ZFP64: variants seen among roughly 807,000 people sequenced by gnomAD.
ZFP64 encodes the protein ZFP64 zinc finger protein, also known as zinc finger protein 64.
In ZFP64, 14 loss-of-function variants were observed where a neutral mutation model predicts 51.6. That is an observed-to-expected ratio of 0.27 (90% CI 0.18 to 0.42). ZFP64 has a LOEUF of 0.42. Among genes scored for constraint, ZFP64 ranks in the 10% least tolerant of loss-of-function variants. ZFP64 has a pLI of 1.00. For missense variants in ZFP64, 754 were observed against 906.8 expected (o/e 0.83, Z 2.16); for synonymous variants, 375 against 361.4 (o/e 1.04, Z -0.43).
In ZFP64 at chr20:52,178,109, T is replaced by C. The variant is rs1600810802; in HGVS notation, c.286+8723A>G. Among the ~76,000 whole-genome samples, 4 of 151,990 alleles carry C rather than the reference T, an allele frequency of 2.6e-5. No homozygotes were observed. The South Asian group carries it at 8.3e-4, about 32-fold the overall frequency. On this transcript the variant is annotated intron_variant, in intron 2 of 5. Coordinates refer to ENST00000216923, the MANE Select transcript of ZFP64 (RefSeq NM_018197.3). ...CATCTGACCTGACCCAACCACTCCC[T>C]GGCTGGTTCAGATTCCCCGGACCTT...
chr20:52,086,165 T>G (rs2078861839), intron 8 of ZFP64, among the ~76,000 whole-genome samples: 1 of 152,236 alleles, frequency 6.6e-6, no homozygotes, highest in African/African-American at 2.4e-5. Flanking sequence ...TGGTGAATTC[T>G]TATACTTTAA....
intron 5 of ZFP64, among the ~76,000 whole-genome samples, chr20:52,154,203 A>G (rs1269898028): frequency 6.6e-6 from 1 of 152,190 alleles, no homozygotes; most frequent in Non-Finnish European, 1.5e-5. Context: ...AACATTGTTT[A>G]AGTAAGCAAA....
At chr20:52,113,184 A>G (rs1459051641) in intron 5 of ZFP64, among the ~76,000 whole-genome samples, 1 of 151,738 alleles carries the variant, frequency 6.6e-6, no homozygotes, top group Non-Finnish European at 1.5e-5. Flanking sequence ...AATACAAAAA[A>G]TTAGCCAGGC....
Position 52,160,461 on chromosome 20 carries a change from C to A in ZFP64, c.512-87G>T, listed in dbSNP as rs529653451. 6.4e-5 allele frequency: 95 copies of A among 1,493,990 alleles called. No individual in the cohort carries two copies. The African/African-American group carries it at 1.2e-3, about 19-fold the overall frequency. The allele number at this position is 1,493,990 out of a possible 1,614,324, so 92.5% of individuals were successfully genotyped here. On this transcript the variant is annotated intron_variant, in intron 4 of 5. Transcript: ENST00000216923. This position sits in a 1 kb window ranked among gnomAD's most constrained non-coding sequence, Gnocchi z 4.2. The stretch of plus-strand genomic sequence containing the variant: ...TTTCCCACTGCCTTACGAAAAAAGT[C>A]ATATACAACCACCGAAGAATATTCC...
At chr20:52,184,948 G>A (rs546906042) in intron 2 of ZFP64, among the ~76,000 whole-genome samples, 3 of 152,206 alleles carry the variant, frequency 2.0e-5, no homozygotes, top group Non-Finnish European at 2.9e-5. Flanking sequence ...CTCTCTTGAC[G>A]TATACATACA....
At chr20:52,117,702 G>C (rs1195152940) in intron 5 of ZFP64, 1 of 456,464 alleles carries the variant, frequency 2.2e-6, no homozygotes, top group Non-Finnish European at 4.4e-6. Flanking sequence ...TGCAGCATGG[G>C]TGTGGACCAG....
intron 5 of ZFP64, among the ~76,000 whole-genome samples, chr20:52,158,855 A>G (rs1342773925): frequency 6.6e-6 from 1 of 152,186 alleles, no homozygotes; most frequent in Non-Finnish European, 1.5e-5. Context: ...GCTTTAGCCA[A>G]TGTGATGCTT....
intron 7 of ZFP64, among the ~76,000 whole-genome samples, chr20:52,092,692 G>A (rs2078941291): frequency 6.6e-6 from 1 of 152,028 alleles, no homozygotes; most frequent in Non-Finnish European, 1.5e-5. Context: ...CATCTCCACT[G>A]TAAAAATACA....
intron 5 of ZFP64, chr20:52,104,972 C>A: frequency 1.2e-6 from 1 of 822,022 alleles, no homozygotes. Context: ...TTTACAAAGG[C>A]GGGGGGCGGG....
At chr20:52,093,424 G>A (rs1470208806) in intron 7 of ZFP64, among the ~76,000 whole-genome samples, 1 of 152,238 alleles carries the variant, frequency 6.6e-6, no homozygotes, top group Non-Finnish European at 1.5e-5. Flanking sequence ...ACAGGCGTGA[G>A]CCACTGCGCC....
At chr20:52,133,184 G>T (rs6021723) in intron 5 of ZFP64, among the ~76,000 whole-genome samples, 30,652 of 151,996 alleles carry the variant, frequency 0.2, 3,385 homozygotes, top group Admixed American at 0.27. Flanking sequence ...CTCAAAAAAC[G>T]GGGTGTCAAA....
intron 5 of ZFP64, among the ~76,000 whole-genome samples, chr20:52,155,300 T>C (rs576404778): frequency 6.6e-6 from 1 of 152,354 alleles, no homozygotes; most frequent in Non-Finnish European, 1.5e-5. Flanking sequence ...ATTGGTTGCC[T>C]GTTTTCATAA....
In ZFP64 at chr20:52,085,815, A is replaced by C. The variant is rs1312260715; in HGVS notation, c.1229-549T>G. Among the ~76,000 whole-genome samples the C allele has an allele frequency of 6.6e-6, 1 of 152,238 alleles. No individual in the cohort carries two copies. The highest frequency in any genetic ancestry group is 2.4e-5 in the African/African-American group (1 of 41,454). ...TATAATATTAATGCATAATTATGGC[A>C]GCAGGGGACAAATAATAAAGAGCCA... On this transcript the variant is annotated intron_variant, in intron 8 of 8. Coordinates refer to the ZFP64 transcript ENST00000361387. This position sits in a 1 kb window ranked among gnomAD's most constrained non-coding sequence, Gnocchi z 4.3.
intron 5 of ZFP64, among the ~76,000 whole-genome samples, chr20:52,109,599 T>C (rs2122806822): frequency 6.6e-6 from 1 of 152,008 alleles, no homozygotes; most frequent in South Asian, 2.1e-4. Context: ...GCCAACATGT[T>C]GAAACCCCAT....
In ZFP64 at chr20:52,160,177, G is replaced by A. The variant is rs1353904044; in HGVS notation, c.709C>T (p.Pro237Ser). 5 of 1,614,054 alleles carry A rather than the reference G, an allele frequency of 3.1e-6. No individual in the cohort carries two copies. Among genetic ancestry groups the A allele is most frequent in the Admixed American group, 1.7e-5 (1 of 59,996 alleles). Residue 237 changes from proline (P) to serine (S), a missense_variant, in exon 5 of 6, where the codon CCC (proline) becomes TCC (serine). Coordinates refer to ENST00000216923, the MANE Select transcript of ZFP64 (RefSeq NM_018197.3). This position sits in a 1 kb window ranked among gnomAD's most constrained non-coding sequence, Gnocchi z 4.2. ...TGGCTGGAGTTGCGGCTGGCGTAGGGGCAGATCTGGCATTTGAAGGGCCGC... is the reference window on the plus strand; with the variant it reads ...TGGCTGGAGTTGCGGCTGGCGTAGGAGCAGATCTGGCATTTGAAGGGCCGC... ...DERPFKCQIC[P>S]YASRNSSQLT...
chr20:52,144,554 TG>T (rs201409369), intron 5 of ZFP64, among the ~76,000 whole-genome samples: 5 of 97,938 alleles, frequency 5.1e-5, no homozygotes, highest in African/African-American at 2.2e-4. Context: ...CACTCCAGCC[TG>T]GTGACAGAGC....
intron 5 of ZFP64, chr20:52,110,742 G>C: frequency 2.5e-6 from 4 of 1,595,242 alleles, no homozygotes; most frequent in East Asian, 2.2e-5. Flanking sequence ...CAGTACATGG[G>C]ACTGGGTTCT....
chr20:52,092,074 G>C (rs2078933675), intron 7 of ZFP64, among the ~76,000 whole-genome samples: 2 of 152,162 alleles, frequency 1.3e-5, no homozygotes, highest in African/African-American at 4.8e-5. Flanking sequence ...ACAAAATGCT[G>C]AAATCAAGTG....
chr20:52,161,413 C>G (rs1300744225), intron 4 of ZFP64, among the ~76,000 whole-genome samples: 1 of 148,476 alleles, frequency 6.7e-6, no homozygotes, highest in Non-Finnish European at 1.5e-5. Context: ...CTTGCAACAG[C>G]TGGAATTAGA....
Sources: allele counts gnomAD v4.1 joint callset (sites outside exome capture counted in the v4.1 genomes callset), GRCh38; gene constraint gnomAD v4.1.1; non-coding constraint Gnocchi (gnomAD v3.1); transcripts MANE v1.5; gene names NCBI Gene and HGNC (gene_info 2026-07-23, HGNC 2026-07-21).